SYT16: variants seen among roughly 807,000 people sequenced by gnomAD.
SYT16 encodes the protein synaptotagmin 16.
A neutral mutation model predicts 61.4 loss-of-function variants in SYT16; 42 were observed. The observed-to-expected ratio is 0.68, with a 90% CI of 0.53 to 0.89. The LOEUF is 0.89. Ranked by LOEUF, SYT16 falls within the 40% of genes least tolerant of loss-of-function variation. The pLI, the probability that SYT16 is intolerant of heterozygous loss-of-function variation, is 0.00. For missense variants in SYT16, 804 were observed against 807.3 expected (o/e 1.00, Z 0.05); for synonymous variants, 314 against 302.3 (o/e 1.04, Z -0.40).
intron 2 of SYT16, among the ~76,000 whole-genome samples, chr14:61,974,183 G>C (rs1166473444): frequency 6.6e-6 from 1 of 152,168 alleles, no homozygotes; most frequent in Non-Finnish European, 1.5e-5. Context: ...CCTGACCCTG[G>C]TGGTGGGAGC....
At position 62,100,376 on chromosome 14, in the gene SYT16, C is replaced by CTTTTTTTTTTTTT; in HGVS notation, c.1625-8_1625-7insTTTTTTTTTTTTT. ...TGTTTCTTATCATCCCCACCCCACC[C>CTTTTTTTTTTTTT]TTTTTTTTTTGTCTTAGATACATAT... On this transcript the variant is annotated splice_polypyrimidine_tract_variant and intron_variant, in intron 7 of 7. Coordinates refer to ENST00000683842, the MANE Select transcript of SYT16 (RefSeq NM_001367656.1). 7.8e-7 allele frequency: 1 copy of CTTTTTTTTTTTTT among 1,286,626 alleles called. No homozygotes were observed. Among genetic ancestry groups the CTTTTTTTTTTTTT allele is most frequent in the Non-Finnish European group, 1.1e-6 (1 of 948,386 alleles). The allele number at this position is 1,286,626 out of a possible 1,614,324, so 79.7% of individuals were successfully genotyped here.
At chr14:61,982,254 A>T (rs1441553778) in intron 2 of SYT16, among the ~76,000 whole-genome samples, 1 of 152,100 alleles carries the variant, frequency 6.6e-6, no homozygotes, top group Admixed American at 6.6e-5. Flanking sequence ...TTCTTCCTTC[A>T]GTCTTGCAGC....
chr14:61,919,386 A>G (rs1164068705), intron 1 of SYT16, among the ~76,000 whole-genome samples: 1 of 152,212 alleles, frequency 6.6e-6, no homozygotes, highest in East Asian at 1.9e-4. Flanking sequence ...ACACAAATTT[A>G]TTATCATGCA....
At chr14:61,868,028 A>C in intron 1 of SYT16, among the ~76,000 whole-genome samples, 1 of 151,922 alleles carries the variant, frequency 6.6e-6, no homozygotes, top group Admixed American at 6.6e-5. Flanking sequence ...CTTATGTATT[A>C]CCTCTTTTAG....
At chr14:61,975,437 A>G (rs1298305702) in intron 2 of SYT16, among the ~76,000 whole-genome samples, 1 of 152,208 alleles carries the variant, frequency 6.6e-6, no homozygotes, top group African/African-American at 2.4e-5. Context: ...TTATAAATAA[A>G]AAAGGTTTAA....
At chr14:61,858,021 G>A (rs2046828718) in intron 1 of SYT16, among the ~76,000 whole-genome samples, 1 of 137,286 alleles carries the variant, frequency 7.3e-6, no homozygotes, top group Non-Finnish European at 1.5e-5. Context: ...TCAACAGTGA[G>A]AAAGCCACTG....
intron 4 of SYT16, among the ~76,000 whole-genome samples, chr14:62,072,787 A>T (rs2056345895): frequency 6.6e-6 from 1 of 152,138 alleles, no homozygotes; most frequent in Non-Finnish European, 1.5e-5. Flanking sequence ...TTGGGTGGTG[A>T]TCGGGGAGAG....
At chr14:61,939,714 AG>A (rs1174570983) in intron 1 of SYT16, among the ~76,000 whole-genome samples, 1 of 152,218 alleles carries the variant, frequency 6.6e-6, no homozygotes, top group African/African-American at 2.4e-5. Context: ...ACTAGGGGTT[AG>A]GATTTCAATC....
chr14:61,832,384 C>T (rs2045966753), intron 1 of SYT16: 3 of 544,052 alleles, frequency 5.5e-6, no homozygotes, highest in Admixed American at 3.9e-5. Context: ...CCGCAGCTGC[C>T]CCACCACCGC....
intron 1 of SYT16, among the ~76,000 whole-genome samples, chr14:61,829,944 A>G (rs1159544823): frequency 2.0e-5 from 3 of 152,084 alleles, no homozygotes; most frequent in African/African-American, 7.2e-5. Context: ...ATGAGCCACC[A>G]TGCCCGGCTT....
intron 1 of SYT16, among the ~76,000 whole-genome samples, chr14:61,839,866 A>C (rs557402022): frequency 1.6e-4 from 24 of 151,064 alleles, no homozygotes; most frequent in African/African-American, 5.6e-4. Context: ...GAATGTCATT[A>C]ATCTGGGAAC....
intron 3 of SYT16, among the ~76,000 whole-genome samples, chr14:62,056,378 C>T (rs1349381239): frequency 2.6e-5 from 4 of 152,064 alleles, no homozygotes; most frequent in African/African-American, 7.2e-5. Flanking sequence ...AGAAAATAGT[C>T]TGACCTGGGC....
chr14:61,924,859 A>G (rs953178199), intron 1 of SYT16, among the ~76,000 whole-genome samples: 1 of 152,208 alleles, frequency 6.6e-6, no homozygotes, highest in Non-Finnish European at 1.5e-5. Flanking sequence ...CCATTAGTTT[A>G]TTTCTCTATC....
In SYT16 at chr14:61,968,904, C is replaced by T. The variant is rs199760409; in HGVS notation, c.-324-1228C>T. Among the ~76,000 whole-genome samples the T allele has an allele frequency of 8.5e-5, 13 of 152,088 alleles. No homozygotes were observed. The East Asian group carries it at 2.3e-3, about 27-fold the overall frequency. ...TATGTGTTGGTTTTGATAGCAGGCA[C>T]TGTTGCTATTTTGCAGACTATAAAG... On this transcript the variant is annotated intron_variant, in intron 1 of 7. Transcript: ENST00000683842.
intron 3 of SYT16, among the ~76,000 whole-genome samples, chr14:62,039,875 A>ACACG (rs372990163): frequency 6.6e-5 from 7 of 105,380 alleles, no homozygotes; most frequent in Admixed American, 3.5e-4. Flanking sequence ...ACACACACAC[A>ACACG]CACGCACATA....
At chr14:61,858,269 C>G (rs3813411) in intron 1 of SYT16, among the ~76,000 whole-genome samples, 13,311 of 151,980 alleles carry the variant, frequency 0.088, 616 homozygotes, top group Non-Finnish European at 0.1. Context: ...AGGGGAAAGA[C>G]TTTTCCACCC....
At chr14:62,059,378 T>A (rs947410035) in intron 3 of SYT16, among the ~76,000 whole-genome samples, 1 of 152,196 alleles carries the variant, frequency 6.6e-6, no homozygotes, top group African/African-American at 2.4e-5. Flanking sequence ...TCTGGATTTT[T>A]AAATTTTGTT....
chr14:62,046,926 G>T (rs560132556), intron 3 of SYT16, among the ~76,000 whole-genome samples: 12 of 152,238 alleles, frequency 7.9e-5, no homozygotes, highest in Admixed American at 2.0e-4. Context: ...AGGATTGACT[G>T]GGCAATGCGG....
intron 3 of SYT16, among the ~76,000 whole-genome samples, chr14:62,056,687 G>GGTTA (rs913863995): frequency 1.3e-5 from 2 of 152,162 alleles, no homozygotes; most frequent in Admixed American, 1.3e-4. Flanking sequence ...GGGCCTTGGA[G>GGTTA]GTTAGGACTG....
Sources: gnomAD v4.1 joint callset for allele counts (sites outside exome capture counted in the v4.1 genomes callset) on GRCh38, gnomAD v4.1.1 for gene constraint, MANE v1.5 for transcripts, NCBI Gene and HGNC (gene_info 2026-07-23, HGNC 2026-07-21) for gene names.